SMYD3: variants seen among roughly 807,000 people sequenced by gnomAD.
The protein encoded by SMYD3 is histone-lysine N-methyltransferase SMYD3.
In SMYD3, 36 loss-of-function variants were observed where a neutral mutation model predicts 57.7. That is an observed-to-expected ratio of 0.62 (90% CI 0.48 to 0.82). The LOEUF (loss-of-function observed/expected upper bound fraction) is 0.82, where lower values mean the gene tolerates loss of function less well. Among genes scored for constraint, SMYD3 ranks in the 40% least tolerant of loss-of-function variants. The probability of loss-of-function intolerance (pLI) is 0.00; values close to 1 mark genes in which losing one functional copy is unlikely to be tolerated. For synonymous variants in SMYD3, 211 were observed against 195.0 expected, an observed-to-expected ratio of 1.08 and a Z score of -0.68; for missense variants, 515 against 538.8, an observed-to-expected ratio of 0.96 and a Z score of 0.44.
chr1:245,860,914 C>A (rs1247233840), intron 9 of SMYD3, among the ~76,000 whole-genome samples: 1 of 152,210 alleles, frequency 6.6e-6, no homozygotes, highest in Non-Finnish European at 1.5e-5. Context: ...TGCTGTTTGA[C>A]CTCCACTATT....
chr1:245,912,690 C>T (rs529824688), intron 8 of SMYD3, among the ~76,000 whole-genome samples: 185 of 152,080 alleles, frequency 1.2e-3, no homozygotes, highest in African/African-American at 4.2e-3. Context: ...AGAAAACGCA[C>T]AATTAAATAC....
At chr1:246,096,806 C>T (rs2060923809) in intron 5 of SMYD3, among the ~76,000 whole-genome samples, 1 of 152,164 alleles carries the variant, frequency 6.6e-6, no homozygotes, top group Non-Finnish European at 1.5e-5. Context: ...ACTCTAATTC[C>T]AGTTACGTGA....
intron 5 of SMYD3, among the ~76,000 whole-genome samples, chr1:245,957,911 G>A (rs567487261): frequency 1.3e-5 from 2 of 152,002 alleles, no homozygotes; most frequent in South Asian, 4.2e-4. Flanking sequence ...GAATTGTGTG[G>A]TTAGGTTTAA....
chr1:246,260,247 A>C (rs1314164064), intron 5 of SMYD3, among the ~76,000 whole-genome samples: 32 of 152,090 alleles, frequency 2.1e-4, no homozygotes, highest in Non-Finnish European at 1.5e-5. Context: ...AGGCTGCTGA[A>C]CCAGATAAGC....
intron 8 of SMYD3, among the ~76,000 whole-genome samples, chr1:245,876,511 A>G (rs1161615991): frequency 1.3e-5 from 2 of 152,238 alleles, no homozygotes; most frequent in Non-Finnish European, 2.9e-5. Flanking sequence ...ACTTGCTGCA[A>G]GTATTGATGG....
chr1:245,833,204 T>C (rs1341101930), intron 10 of SMYD3, among the ~76,000 whole-genome samples: 1 of 152,196 alleles, frequency 6.6e-6, no homozygotes, highest in African/African-American at 2.4e-5. Context: ...CCTCTGTTGC[T>C]AACATCTTAC....
chr1:246,323,677 A>T (rs923540789), intron 5 of SMYD3, among the ~76,000 whole-genome samples: 1 of 152,164 alleles, frequency 6.6e-6, no homozygotes, highest in Non-Finnish European at 1.5e-5. Context: ...TGACCTGCTG[A>T]AGTTTTCTGC....
intron 1 of SMYD3, among the ~76,000 whole-genome samples, chr1:246,395,491 T>C (rs2066644141): frequency 6.6e-6 from 1 of 152,236 alleles, no homozygotes; most frequent in Non-Finnish European, 1.5e-5. Context: ...TCTCTTAAAA[T>C]AGACAAGGCA....
At position 246,415,354 on chromosome 1, in the gene SMYD3, C is replaced by T. The variant is rs2067045796; in HGVS notation, c.165-60260G>A. 3.3e-5 allele frequency among the ~76,000 whole-genome samples: 5 copies of T among 152,080 alleles called. No individual in the cohort carries two copies. The South Asian group carries it at 8.3e-4, about 25-fold the overall frequency. ...TCACCCCCCACTTCTAATATAACAG[C>T]AATAATAATAGATAAAATGTATATC... On this transcript the variant is annotated intron_variant, in intron 1 of 11. Transcript: ENST00000490107.
At chr1:245,916,457 C>A (rs2055428428) in intron 7 of SMYD3, among the ~76,000 whole-genome samples, 1 of 152,154 alleles carries the variant, frequency 6.6e-6, no homozygotes, top group Non-Finnish European at 1.5e-5. Flanking sequence ...AATGCTTGAT[C>A]TTCCCCTCAA....
intron 5 of SMYD3, among the ~76,000 whole-genome samples, chr1:245,970,097 C>A (rs569028496): frequency 2.0e-5 from 3 of 152,318 alleles, no homozygotes; most frequent in East Asian, 1.9e-4. Flanking sequence ...CAGCATGGTA[C>A]TGGTACCAAA....
At chr1:245,762,410 A>T (rs2045885856) in intron 11 of SMYD3, among the ~76,000 whole-genome samples, 1 of 152,212 alleles carries the variant, frequency 6.6e-6, no homozygotes, top group South Asian at 2.1e-4. Context: ...ATCGCACATT[A>T]GGAAATTTCC....
intron 1 of SMYD3, among the ~76,000 whole-genome samples, chr1:246,383,180 C>T (rs977135624): frequency 6.6e-6 from 1 of 152,234 alleles, no homozygotes; most frequent in Non-Finnish European, 1.5e-5. Context: ...GGAAAGAAGG[C>T]AAATTACCTT....
At chr1:246,384,044 T>C in intron 1 of SMYD3, among the ~76,000 whole-genome samples, 1 of 151,764 alleles carries the variant, frequency 6.6e-6, no homozygotes, top group Admixed American at 6.6e-5. Context: ...AAAACAACCA[T>C]TAAAAAAAAG....
chr1:245,989,458 T>C (rs568101815), intron 5 of SMYD3, among the ~76,000 whole-genome samples: 4 of 152,376 alleles, frequency 2.6e-5, no homozygotes, highest in East Asian at 3.9e-4. Flanking sequence ...ACAGGCCAAC[T>C]GTGCAGCAAA....
chr1:245,978,983 G>T (rs952267284), intron 5 of SMYD3, among the ~76,000 whole-genome samples: 1 of 152,140 alleles, frequency 6.6e-6, no homozygotes, highest in Non-Finnish European at 1.5e-5. Context: ...GGTATGCATT[G>T]CTAAAAGCAT....
intron 8 of SMYD3, among the ~76,000 whole-genome samples, chr1:245,899,263 G>T (rs976852579): frequency 2.0e-5 from 3 of 150,218 alleles, no homozygotes; most frequent in Non-Finnish European, 4.4e-5. Flanking sequence ...ATTTTTTTTT[G>T]AGGCAAATTG....
chr1:246,316,444 C>A (rs1264640292), intron 5 of SMYD3, among the ~76,000 whole-genome samples: 1 of 151,218 alleles, frequency 6.6e-6, no homozygotes, highest in Non-Finnish European at 1.5e-5. Context: ...GCTGCAACCT[C>A]CCCCTCCCAG....
chr1:245,850,143 A>G (rs2050888570), intron 10 of SMYD3, among the ~76,000 whole-genome samples: 1 of 152,196 alleles, frequency 6.6e-6, no homozygotes, highest in African/African-American at 2.4e-5. Flanking sequence ...AAGTGGAATC[A>G]TGCTGTCACA....
Sources: gnomAD v4.1 joint callset for allele counts (sites outside exome capture counted in the v4.1 genomes callset) on GRCh38, gnomAD v4.1.1 for gene constraint, MANE v1.5 for transcripts, NCBI Gene and HGNC (gene_info 2026-07-23, HGNC 2026-07-21) for gene names.